DPYD: variants seen among roughly 807,000 people sequenced by gnomAD.
The protein encoded by DPYD is dihydropyrimidine dehydrogenase, also known as dihydropyrimidine dehydrogenase [NADP(+)].
Under a neutral mutation model 116.2 loss-of-function variants are expected in DPYD, and 109 were observed. That is an observed-to-expected ratio of 0.94 (90% CI 0.80 to 1.10). DPYD has a LOEUF of 1.10. Among genes scored for constraint, DPYD ranks in the 50% least tolerant of loss-of-function variants. The pLI, the probability that DPYD is intolerant of heterozygous loss-of-function variation, is 0.00. For synonymous variants in DPYD, 440 were observed against 432.0 expected (o/e 1.02, Z -0.23); for missense variants, 1,302 against 1,254.5 (o/e 1.04, Z -0.57).
intron 8 of DPYD, among the ~76,000 whole-genome samples, chr1:97,607,119 C>G (rs980981346): frequency 6.6e-6 from 1 of 151,864 alleles, no homozygotes; most frequent in African/African-American, 2.4e-5. Context: ...TCTCCTATTA[C>G]AGTAACTTAA....
intron 8 of DPYD, among the ~76,000 whole-genome samples, chr1:97,602,824 T>G (rs1655345631): frequency 6.6e-6 from 1 of 152,066 alleles, no homozygotes; most frequent in Admixed American, 6.6e-5. Flanking sequence ...TATTATTTTA[T>G]AATATTGCAA....
At chr1:97,832,701 T>G (rs1669595462) in intron 2 of DPYD, among the ~76,000 whole-genome samples, 1 of 152,118 alleles carries the variant, frequency 6.6e-6, no homozygotes, top group South Asian at 2.1e-4. Context: ...AGAACTGGTT[T>G]TGGTGGCCTC....
At chr1:97,714,576 A>C (rs1028955179) in intron 5 of DPYD, among the ~76,000 whole-genome samples, 4 of 151,364 alleles carry the variant, frequency 2.6e-5, no homozygotes, top group Admixed American at 6.6e-5. Context: ...TTTCTAAAGA[A>C]GGAACCCAAC....
intron 8 of DPYD, among the ~76,000 whole-genome samples, chr1:97,598,183 T>C (rs1398405274): frequency 6.6e-6 from 1 of 152,080 alleles, no homozygotes; most frequent in Admixed American, 6.6e-5. Context: ...CCTTAGCATA[T>C]GTAAATCAAG....
chr1:97,905,909 T>C (rs1673591282), intron 1 of DPYD, among the ~76,000 whole-genome samples: 1 of 152,076 alleles, frequency 6.6e-6, no homozygotes, highest in Non-Finnish European at 1.5e-5. Context: ...TAGTTTCCAG[T>C]TCACTACTGA....
chr1:97,378,563 A>G (rs1381844972), intron 15 of DPYD, among the ~76,000 whole-genome samples: 1 of 152,158 alleles, frequency 6.6e-6, no homozygotes. Flanking sequence ...CAGGTACCTG[A>G]CTTAAAATCA....
At chr1:97,366,040 A>C (rs1395393542) in intron 16 of DPYD, among the ~76,000 whole-genome samples, 115 of 152,324 alleles carry the variant, frequency 7.5e-4, no homozygotes, top group Non-Finnish European at 4.4e-5. Flanking sequence ...TGTTGCTTTC[A>C]ACTAAAAAAA....
At chr1:97,597,194 A>G (rs1310809513) in intron 8 of DPYD, among the ~76,000 whole-genome samples, 1 of 152,206 alleles carries the variant, frequency 6.6e-6, no homozygotes, top group Non-Finnish European at 1.5e-5. Context: ...ACCAACATAT[A>G]CATATGCTAC....
At chr1:97,460,791 C>A (rs970248009) in intron 13 of DPYD, among the ~76,000 whole-genome samples, 4 of 152,138 alleles carry the variant, frequency 2.6e-5, no homozygotes, top group African/African-American at 9.7e-5. Context: ...GTAATCCCAG[C>A]ACTTTGGGAG....
At chr1:97,159,585 A>G (rs1247293350) in intron 20 of DPYD, among the ~76,000 whole-genome samples, 1 of 152,044 alleles carries the variant, frequency 6.6e-6, no homozygotes, top group Non-Finnish European at 1.5e-5. Flanking sequence ...TTACCAGTTT[A>G]AGAAACCCAC....
chr1:97,578,724 C>G (rs1017518053), intron 10 of DPYD, among the ~76,000 whole-genome samples: 4 of 152,150 alleles, frequency 2.6e-5, no homozygotes, highest in Admixed American at 1.3e-4. Context: ...AGGTGAAGGG[C>G]TTGGCTAGAC....
At chr1:97,699,693 T>A in intron 5 of DPYD, 146 bp from the exon 6 acceptor site, 1 of 792,562 alleles carries the variant, frequency 1.3e-6, no homozygotes. Context: ...ACAACTTTTA[T>A]TGTGTCAAGT....
At chr1:97,734,048 T>C (rs1663785522) in intron 4 of DPYD, among the ~76,000 whole-genome samples, 1 of 152,116 alleles carries the variant, frequency 6.6e-6, no homozygotes, top group South Asian at 2.1e-4. Context: ...GACTGAAACA[T>C]GCATGGCAAA....
At chr1:97,752,984 A>AT in intron 3 of DPYD, among the ~76,000 whole-genome samples, 1 of 152,324 alleles carries the variant, frequency 6.6e-6, no homozygotes, top group South Asian at 2.1e-4. Flanking sequence ...GGTAAAAATT[A>AT]TTTTTTAATA....
intron 2 of DPYD, among the ~76,000 whole-genome samples, chr1:97,845,787 T>A (rs1038189216): frequency 2.4e-4 from 37 of 152,278 alleles, no homozygotes; most frequent in South Asian, 1.5e-3. Flanking sequence ...CACATCCTCT[T>A]TGGGGCTCTG....
intron 18 of DPYD, among the ~76,000 whole-genome samples, chr1:97,243,318 T>A (rs745981397): frequency 5.8e-4 from 88 of 152,048 alleles, no homozygotes; most frequent in Non-Finnish European, 1.1e-3. Context: ...ATATAAATGC[T>A]CCTCTTTTGA....
intron 19 of DPYD, among the ~76,000 whole-genome samples, chr1:97,215,595 A>G (rs1478723580): frequency 2.0e-5 from 3 of 152,158 alleles, no homozygotes; most frequent in African/African-American, 7.2e-5. Context: ...AAAATCTCTC[A>G]TACCTTTCCT....
At chr1:97,294,885 G>A (rs1387865200) in intron 18 of DPYD, among the ~76,000 whole-genome samples, 3 of 151,962 alleles carry the variant, frequency 2.0e-5, no homozygotes, top group Non-Finnish European at 2.9e-5. Context: ...AGGTAATATC[G>A]GCCCATAATT....
At chr1:97,430,793 C>T (rs1303459214) in intron 14 of DPYD, among the ~76,000 whole-genome samples, 1 of 152,122 alleles carries the variant, frequency 6.6e-6, no homozygotes, top group Non-Finnish European at 1.5e-5. Context: ...GATTATCCTT[C>T]CCCAACATCT....
Sources: gnomAD v4.1 joint callset for allele counts (sites outside exome capture counted in the v4.1 genomes callset) on GRCh38, gnomAD v4.1.1 for gene constraint, MANE v1.5 for transcripts, NCBI Gene and HGNC (gene_info 2026-07-23, HGNC 2026-07-21) for gene names.